USP9X: variants seen among roughly 807,000 people sequenced by gnomAD.
USP9X encodes ubiquitin carboxyl-terminal hydrolase 9X.
USP9X carries 7 observed loss-of-function variants against 190.3 expected under a neutral mutation model. The ratio of observed to expected loss-of-function variants is 0.04; its 90% CI spans 0.02 to 0.07. USP9X has a LOEUF of 0.07. Ranked by LOEUF, USP9X falls within the 10% of genes least tolerant of loss-of-function variation. USP9X has a pLI of 1.00. For synonymous variants in USP9X, 645 were observed against 659.5 expected, an observed-to-expected ratio of 0.98 and a Z score of 0.34; for missense variants, 1,010 against 1,916.9, an observed-to-expected ratio of 0.53 and a Z score of 8.83.
At chrX:41,220,006 A>G (rs1430802421) in intron 38 of USP9X, among the ~76,000 whole-genome samples, 1 of 111,649 alleles carries the variant, frequency 9.0e-6, no homozygotes, top group African/African-American at 3.3e-5. Context: ...CAAACCAAAA[A>G]GTCATATATC....
At chrX:41,218,136 A>G (rs187772360) in intron 36 of USP9X, among the ~76,000 whole-genome samples, 2 of 111,832 alleles carry the variant, frequency 1.8e-5, no homozygotes, top group East Asian at 5.6e-4. Flanking sequence ...GAATCTAGGA[A>G]GAGTTTGTTA....
chrX:41,151,198 GAATT>G, intron 13 of USP9X, 141 bp downstream of exon 13: 1 of 558,664 alleles, frequency 1.8e-6, no homozygotes, highest in Non-Finnish European at 2.6e-6. Flanking sequence ...TGGAACAAAA[GAATT>G]CTTTATTACA....
At chrX:41,094,070 G>A (rs1330974201) in intron 1 of USP9X, among the ~76,000 whole-genome samples, 1 of 111,447 alleles carries the variant, frequency 9.0e-6, no homozygotes, top group Non-Finnish European at 1.9e-5. Flanking sequence ...TAATTATCCA[G>A]GATTCTTAAG....
intron 12 of USP9X, among the ~76,000 whole-genome samples, chrX:41,150,396 CGT>C (rs1304602823): frequency 2.7e-5 from 3 of 111,179 alleles, no homozygotes; most frequent in South Asian, 7.5e-4. Context: ...TCTCCTTGTA[CGT>C]GTGTTTCTTT....
Position 41,123,013 on chromosome X carries a change from C to T in USP9X, c.-158-458C>T, listed in dbSNP as rs140833127. ...TTTATATGGGCACGGGATAGGGGTGCGTGGCAGGCCAAAAGGGAACACTTG... is the reference window on the plus strand; with the variant it reads ...TTTATATGGGCACGGGATAGGGGTGTGTGGCAGGCCAAAAGGGAACACTTG... On this transcript the variant is annotated intron_variant, in intron 1 of 44. Transcript: ENST00000378308. Among the ~76,000 whole-genome samples, 283 of 110,961 alleles carry T rather than the reference C, an allele frequency of 2.6e-3. 2 individuals are homozygous for T. Among genetic ancestry groups the T allele is most frequent in the African/African-American group, 8.9e-3 (272 of 30,536 alleles).
At chrX:41,212,986 T>C (rs1226201642) in intron 33 of USP9X, among the ~76,000 whole-genome samples, 1 of 111,943 alleles carries the variant, frequency 8.9e-6, no homozygotes, top group African/African-American at 3.2e-5. Flanking sequence ...AACAGCCAAC[T>C]TTGGGGTCAT....
At chrX:41,089,389 A>G (rs992214008) in intron 1 of USP9X, among the ~76,000 whole-genome samples, 4 of 111,975 alleles carry the variant, frequency 3.6e-5, no homozygotes, top group Non-Finnish European at 7.5e-5. Context: ...GAGTAAGTTA[A>G]GATATAGTTT....
chrX:41,142,809 A>G (rs1465813186), intron 9 of USP9X, among the ~76,000 whole-genome samples: 1 of 112,336 alleles, frequency 8.9e-6, no homozygotes, highest in African/African-American at 3.2e-5. Context: ...TACATTTTGT[A>G]ATAGAATAAT....
chrX:41,148,648 T>G (rs1221835693), intron 12 of USP9X, 73 bp downstream of exon 12: 1 of 969,747 alleles, frequency 1.0e-6, no homozygotes, highest in East Asian at 3.1e-5. Context: ...TACAGGATAG[T>G]TCTGTTACTC....
chrX:41,119,588 AAAG>A (rs2062174969), intron 1 of USP9X, among the ~76,000 whole-genome samples: 1 of 111,763 alleles, frequency 8.9e-6, no homozygotes, highest in Non-Finnish European at 1.9e-5. Flanking sequence ...GGGACAAGAA[AAAG>A]AAGAAACTGG....
chrX:41,184,831 A>G lies in USP9X; in HGVS notation c.3558+156A>G, dbSNP rs1435041324. 9 of 454,975 alleles carry G rather than the reference A, an allele frequency of 2.0e-5. No individual in the cohort carries two copies. In the East Asian group the frequency reaches 2.4e-4, roughly 12 times the overall value. 37.5% of individuals were successfully genotyped at this position (454,975 alleles called of 1,213,427 possible). On this transcript the variant is annotated intron_variant, in intron 23 of 44. Transcript: ENST00000378308. ...TTATGATGTTTGTATTAAAAGTGCA[A>G]ATACTTTTCGCTGACAGCTGATAAT... is the stretch of plus-strand genomic sequence containing the variant.
At chrX:41,095,043 CA>C (rs35922180) in intron 1 of USP9X, among the ~76,000 whole-genome samples, 11,444 of 70,619 alleles carry the variant, frequency 0.16, 658 homozygotes, top group Admixed American at 0.26. Flanking sequence ...GACTCCGTCT[CA>C]AAAAAAAAAA....
At chrX:41,190,193 A>T (rs1380077230) in intron 26 of USP9X, among the ~76,000 whole-genome samples, 2 of 112,259 alleles carry the variant, frequency 1.8e-5, no homozygotes, top group Non-Finnish European at 3.8e-5. Flanking sequence ...AAATTCATTG[A>T]TGAAAGGTTG....
At chrX:41,210,772 G>A in intron 33 of USP9X, 90 bp downstream of exon 33, 1 of 892,599 alleles carries the variant, frequency 1.1e-6, no homozygotes, top group Non-Finnish European at 1.6e-6. Context: ...ATACAAAAGT[G>A]GAGTATATCA....
At chrX:41,179,508 A>T (rs369797139) in intron 21 of USP9X, among the ~76,000 whole-genome samples, 1 of 111,641 alleles carries the variant, frequency 9.0e-6, no homozygotes, top group Non-Finnish European at 1.9e-5. Context: ...TTTTGTAGCT[A>T]TTGTGAGATA....
intron 15 of USP9X, among the ~76,000 whole-genome samples, chrX:41,164,501 G>A (rs371714442): frequency 2.7e-5 from 3 of 111,234 alleles, no homozygotes; most frequent in Non-Finnish European, 3.8e-5. Context: ...GTGGTTTCAA[G>A]CCTTTTTGCC....
At chrX:41,099,602 A>G (rs895212786) in intron 1 of USP9X, among the ~76,000 whole-genome samples, 1 of 112,180 alleles carries the variant, frequency 8.9e-6, no homozygotes, top group East Asian at 2.8e-4. Context: ...TCATTTTACT[A>G]TTTAACTCTT....
In USP9X at chrX:41,173,546, C is replaced by G. The variant is rs143706289; in HGVS notation, c.3148+1588C>G. ...AGTCCCATCGCCCACCAAATACTTTCCCTACAAACAAGGATATTTGTCTGT... is the reference window on the plus strand; with the variant it reads ...AGTCCCATCGCCCACCAAATACTTTGCCTACAAACAAGGATATTTGTCTGT... On this transcript the variant is annotated intron_variant, in intron 21 of 44. Transcript: ENST00000378308. Among the ~76,000 whole-genome samples the G allele has an allele frequency of 1.2e-4, 13 of 111,875 alleles. No homozygotes were observed. In the East Asian group the frequency reaches 3.6e-3, roughly 31 times the overall value.
At chrX:41,214,767 T>C in intron 34 of USP9X, 58 bp downstream of exon 34, 2 of 1,099,358 alleles carry the variant, frequency 1.8e-6, no homozygotes, top group Non-Finnish European at 2.4e-6. Context: ...TAGAAGAAAT[T>C]GGTTTTTTTG....
Sources: gnomAD v4.1 joint callset for allele counts (sites outside exome capture counted in the v4.1 genomes callset) on GRCh38, gnomAD v4.1.1 for gene constraint, MANE v1.5 for transcripts, NCBI Gene and HGNC (gene_info 2026-07-23, HGNC 2026-07-21) for gene names.